The following ZSCAN25 variants were observed in gnomAD, a reference collection of about 807,000 sequenced individuals.
ZSCAN25 encodes zinc finger and SCAN domain containing 25.
A neutral mutation model predicts 38.7 loss-of-function variants in ZSCAN25; 27 were observed. The observed-to-expected ratio is 0.70, with a 90% CI of 0.51 to 0.96. ZSCAN25 has a LOEUF of 0.96. Among genes scored for constraint, ZSCAN25 ranks in the 40% least tolerant of loss-of-function variants. The pLI, the probability that ZSCAN25 is intolerant of heterozygous loss-of-function variation, is 0.00. For synonymous variants in ZSCAN25, 273 were observed against 277.7 expected (o/e 0.98, Z 0.17); for missense variants, 637 against 705.9 (o/e 0.90, Z 1.11).
the ZSCAN25 span, among the ~76,000 whole-genome samples, chr7:99,678,094 T>C: frequency 1.3e-5 from 2 of 152,238 alleles, no homozygotes; most frequent in Non-Finnish European, 2.9e-5. Context: ...TGGTCTACAC[T>C]GCATTTTCTG....
At chr7:99,733,584 C>T in the ZSCAN25 span, among the ~76,000 whole-genome samples, 1 of 152,146 alleles carries the variant, frequency 6.6e-6, no homozygotes, top group Admixed American at 6.5e-5. Context: ...TAGTGACAGC[C>T]CCACAACATG....
At chr7:99,707,850 G>A in the ZSCAN25 span, 1 of 1,613,976 alleles carries the variant, frequency 6.2e-7, no homozygotes, top group South Asian at 1.1e-5. Context: ...AAGTTCTGAA[G>A]GACTCTGACT....
the ZSCAN25 span, chr7:99,710,989 G>A: frequency 9.2e-5 from 147 of 1,590,682 alleles, 1 homozygote; most frequent in South Asian, 1.6e-3. Flanking sequence ...CAAATCCCCA[G>A]GGGAAAAAAT....
the ZSCAN25 span, among the ~76,000 whole-genome samples, chr7:99,718,975 C>T: frequency 1.3e-5 from 2 of 152,148 alleles, no homozygotes; most frequent in Non-Finnish European, 2.9e-5. Flanking sequence ...ATGCTGAAAA[C>T]TACAAATTGC....
chr7:99,666,874 C>T, the ZSCAN25 span: 41 of 1,594,070 alleles, frequency 2.6e-5, no homozygotes, highest in Middle Eastern at 2.0e-4. Context: ...CCCTTGGAAA[C>T]GGACTGTGAT....
the ZSCAN25 span, among the ~76,000 whole-genome samples, chr7:99,718,819 A>C: frequency 6.6e-6 from 1 of 152,362 alleles, no homozygotes; most frequent in African/African-American, 2.4e-5. Flanking sequence ...CTATGATACA[A>C]GATCAACAAA....
At chr7:99,672,634 G>C in the ZSCAN25 span, 1 of 1,614,058 alleles carries the variant, frequency 6.2e-7, no homozygotes, top group African/African-American at 1.3e-5. Flanking sequence ...TTCTGATCAC[G>C]TCGGGATCTG....
chr7:99,648,139 A>G, the ZSCAN25 span: 4 of 1,367,952 alleles, frequency 2.9e-6, no homozygotes, highest in South Asian at 5.1e-5. Flanking sequence ...ACAACACTCT[A>G]CACAGACTCT....
At chr7:99,702,091 C>T in the ZSCAN25 span, among the ~76,000 whole-genome samples, 3 of 140,174 alleles carry the variant, frequency 2.1e-5, no homozygotes, top group Middle Eastern at 3.8e-3. Context: ...AGATTTCAGT[C>T]TTTTTTTTTT....
chr7:99,661,891 C>T, the ZSCAN25 span, among the ~76,000 whole-genome samples: 21 of 152,168 alleles, frequency 1.4e-4, no homozygotes, highest in East Asian at 7.7e-4. Context: ...AAATTTTATT[C>T]AATTAAAAAT....
downstream of ZSCAN25, among the ~76,000 whole-genome samples, chr7:99,634,987 C>T (rs1018503992): frequency 9.9e-5 from 15 of 152,278 alleles, no homozygotes; most frequent in South Asian, 3.1e-3. Flanking sequence ...TCCCCTCCCT[C>T]TGTACAGTAC....
chr7:99,717,378 A>T, the ZSCAN25 span: 1 of 1,596,946 alleles, frequency 6.3e-7, no homozygotes, highest in Non-Finnish European at 8.6e-7. Context: ...GAATTTTATG[A>T]TGTGTTTTCT....
the ZSCAN25 span, chr7:99,705,374 T>A: frequency 2.8e-6 from 3 of 1,090,556 alleles, no homozygotes; most frequent in South Asian, 2.6e-5. Flanking sequence ...GAATCCCTGA[T>A]TATTTATGCA....
At chr7:99,660,811 A>G in the ZSCAN25 span, 13 of 899,862 alleles carry the variant, frequency 1.4e-5, no homozygotes, top group East Asian at 2.9e-4. Flanking sequence ...TCTGATATGT[A>G]TCTTATACAG....
At chr7:99,707,635 G>C in the ZSCAN25 span, among the ~76,000 whole-genome samples, 1 of 152,176 alleles carries the variant, frequency 6.6e-6, no homozygotes, top group Non-Finnish European at 1.5e-5. Context: ...TAATGCTACA[G>C]CTTTTGAACT....
At chr7:99,649,968 G>T in the ZSCAN25 span, 1 of 1,398,466 alleles carries the variant, frequency 7.2e-7, no homozygotes, top group Non-Finnish European at 9.8e-7. Flanking sequence ...AGGTTCTTTG[G>T]CCCATAGAAT....
intron 5 of ZSCAN25, chr7:99,621,857 A>G: frequency 3.4e-6 from 1 of 298,082 alleles, no homozygotes; most frequent in Admixed American, 5.1e-5. Flanking sequence ...TATTCAGCTG[A>G]CTTGCAGGAA....
the ZSCAN25 span, among the ~76,000 whole-genome samples, chr7:99,716,763 G>T: frequency 6.6e-6 from 1 of 152,052 alleles, no homozygotes; most frequent in African/African-American, 2.4e-5. Context: ...AACATGAAAT[G>T]ATCAAAGTTA....
the ZSCAN25 span, chr7:99,638,870 G>A: frequency 3.4e-6 from 2 of 589,848 alleles, no homozygotes; most frequent in Non-Finnish European, 6.2e-6. Flanking sequence ...CAGCCTTTGC[G>A]GCCTGCCTGG....
Sources: allele counts gnomAD v4.1 joint callset (sites outside exome capture counted in the v4.1 genomes callset), GRCh38; gene constraint gnomAD v4.1.1; transcripts MANE v1.5; gene names NCBI Gene and HGNC (gene_info 2026-07-23, HGNC 2026-07-21).